CROCC: variants seen among roughly 807,000 people sequenced by gnomAD.
CROCC encodes ciliary rootlet coiled-coil, rootletin.
CROCC carries 180 observed loss-of-function variants against 245.2 expected under a neutral mutation model. The observed-to-expected ratio is 0.73, with a 90% CI of 0.65 to 0.83. The LOEUF (loss-of-function observed/expected upper bound fraction) is 0.83. Ranked by LOEUF, CROCC falls within the 40% of genes least tolerant of loss-of-function variation. The pLI is 0.00. For missense variants in CROCC, 2,688 were observed against 2,779.4 expected, an observed-to-expected ratio of 0.97 and a Z score of 0.74; for synonymous variants, 1,205 against 1,241.6, an observed-to-expected ratio of 0.97 and a Z score of 0.62.
rs370450372 is a variant in CROCC at position 16,929,751 on chromosome 1, A to G, written c.352-95A>G. The G allele has an allele frequency of 8.5e-5, 123 of 1,438,980 alleles. No individual in the cohort carries two copies. In the South Asian group the frequency reaches 9.6e-4, roughly 11 times the overall value. The allele number at this position is 1,438,980 out of a possible 1,614,324, so 89.1% of individuals were successfully genotyped here. A position where few individuals can be genotyped will look rare whatever the true frequency, so the allele number is the denominator to read the frequency against. On this transcript the variant is annotated intron_variant, in intron 3 of 36. Transcript: ENST00000375541. ...GCGCCAGGCTATCAGCCTACAAGGCATTGTGGGTCTGGGCCCAGCCTGCCA... is the reference window on the plus strand; with the variant it reads ...GCGCCAGGCTATCAGCCTACAAGGCGTTGTGGGTCTGGGCCCAGCCTGCCA...
rs971664448 is a variant in CROCC, at chr1:16,954,526, C to T, written c.3321+169C>T. On this transcript the variant is annotated intron_variant, in intron 22 of 36. Transcript: ENST00000375541. The surrounding 1 kb of genome is among the most constrained non-coding windows in gnomAD (Gnocchi z 4.4). ...CCCCATCTGAGGGAGGTGGCTCAGC[C>T]CTGCCCTGATGAATCCTTTTGGCGT... Among the ~76,000 whole-genome samples, 1 of 152,220 alleles carries T rather than the reference C, an allele frequency of 6.6e-6. No individual in the cohort carries two copies. Among genetic ancestry groups the T allele is most frequent in the African/African-American group, 2.4e-5 (1 of 41,458 alleles).
chr1:16,960,299 C>CA (rs113892729), intron 26 of CROCC, among the ~76,000 whole-genome samples: 64 of 151,878 alleles, frequency 4.2e-4, no homozygotes, highest in African/African-American at 1.1e-3. Flanking sequence ...ACAAAAACAA[C>CA]AAAAAAAACA....
At chr1:16,923,901 A>G (rs2075468625) in intron 2 of CROCC, among the ~76,000 whole-genome samples, 1 of 152,246 alleles carries the variant, frequency 6.6e-6, no homozygotes. Context: ...GGCTAGTCTC[A>G]AACTCCTGAC....
chr1:16,947,134 G>A, intron 17 of CROCC, 143 bp downstream of exon 17: 1 of 815,742 alleles, frequency 1.2e-6, no homozygotes, highest in South Asian at 1.8e-5. Flanking sequence ...TGCTAGCTGG[G>A]GACCTTGGAC....
chr1:16,924,522 G>T (rs144459703), intron 3 of CROCC, 43 bp downstream of exon 3: 1 of 1,596,556 alleles, frequency 6.3e-7, no homozygotes, highest in Non-Finnish European at 8.6e-7. Context: ...GGTTCCCCTC[G>T]TTCAAGGGCA....
chr1:16,939,594 C>T (rs1224333585), intron 12 of CROCC, among the ~76,000 whole-genome samples: 2 of 152,098 alleles, frequency 1.3e-5, no homozygotes, highest in East Asian at 3.9e-4. Flanking sequence ...CCTAGGAGCC[C>T]TGGGGGTGGG....
chr1:16,969,066 T>C, intron 31 of CROCC, 50 bp from the exon 32 acceptor site: 4 of 1,537,360 alleles, frequency 2.6e-6, no homozygotes, highest in Non-Finnish European at 2.7e-6. Flanking sequence ...AGCAGAGGTA[T>C]AGAGGCCAGA....
chr1:16,952,930 C>T, intron 20 of CROCC: 1 of 210,868 alleles, frequency 4.7e-6, no homozygotes, highest in Non-Finnish European at 9.7e-6. Flanking sequence ...GTCCTGGCCC[C>T]ACCCCTGCCT....
At chr1:16,923,317 T>A (rs923356794) in intron 2 of CROCC, among the ~76,000 whole-genome samples, 1 of 152,268 alleles carries the variant, frequency 6.6e-6, no homozygotes. Flanking sequence ...GCGTGTGGCG[T>A]TTTGGTGCTC....
chr1:16,953,460 A>G lies in CROCC; in HGVS notation c.3165A>G (p.Leu1055=), dbSNP rs778512616. 82 of 1,607,746 alleles carry G rather than the reference A, an allele frequency of 5.1e-5. No homozygotes were observed. Among genetic ancestry groups the G allele is most frequent in the African/African-American group, 1.7e-4 (13 of 74,866 alleles). ...LQQERDEGLL[L]AESEKQQALS... is the part of the protein sequence containing the mutation. The stretch of plus-strand genomic sequence containing the variant: ...AGGAGCGCGACGAGGGCCTCCTCCT[A>G]GCAGAGAGTGAGAAGCAGCAGGTTC... The change falls in exon 21 of 37, where the codon CTA becomes CTG. Residue 1055 remains leucine, a synonymous_variant. Coordinates refer to ENST00000375541, the MANE Select transcript of CROCC (RefSeq NM_014675.5).
intron 21 of CROCC, 98 bp downstream of exon 21, chr1:16,953,579 AG>A (rs375614386): frequency 0.18 from 215,438 of 1,202,350 alleles, 20,942 homozygotes; most frequent in African/African-American, 0.32. Context: ...GCCCTGGGGC[AG>A]GCCACTGCCC....
rs188453033 is a variant in CROCC, at chr1:16,933,527, G to A, written c.956+2130G>A. 7.6e-3 allele frequency among the ~76,000 whole-genome samples: 1,157 copies of A among 152,322 alleles called. 8 individuals carry two copies. The highest frequency in any genetic ancestry group is 0.011 in the Non-Finnish European group (716 of 68,012). ...TTTCTTTACAATTTGTTTGAATCTC[G>A]ATCCATAGACATTTACAAAACGTAA... On this transcript the variant is annotated intron_variant, in intron 8 of 36. Coordinates refer to ENST00000375541, the MANE Select transcript of CROCC (RefSeq NM_014675.5).
At chr1:16,961,265 C>G in intron 27 of CROCC, 135 bp downstream of exon 27, 3 of 894,960 alleles carry the variant, frequency 3.4e-6, no homozygotes, top group Non-Finnish European at 4.4e-6. Flanking sequence ...CCACTGAGGT[C>G]CACTTCTTAG....
chr1:16,958,790 C>G, intron 26 of CROCC, 40 bp downstream of exon 26: 2 of 1,537,426 alleles, frequency 1.3e-6, no homozygotes, highest in Non-Finnish European at 1.8e-6. Flanking sequence ...TCTTTCCTTC[C>G]CCCAGCAGGA....
intron 3 of CROCC, among the ~76,000 whole-genome samples, chr1:16,925,711 A>T (rs1187033101): frequency 2.0e-5 from 3 of 152,244 alleles, no homozygotes; most frequent in African/African-American, 2.4e-5. Context: ...CCTGTGTATG[A>T]CTGTGGGGTG....
intron 3 of CROCC, among the ~76,000 whole-genome samples, chr1:16,928,615 A>G (rs2075590818): frequency 6.6e-6 from 1 of 152,026 alleles, no homozygotes; most frequent in Non-Finnish European, 1.5e-5. Context: ...CAGCCTGGCC[A>G]ACATAGTGAA....
intron 3 of CROCC, among the ~76,000 whole-genome samples, chr1:16,925,727 G>A (rs1192022227): frequency 1.1e-4 from 16 of 152,266 alleles, no homozygotes; most frequent in South Asian, 1.0e-3. Context: ...GGGTGTGCCC[G>A]TGTCCTGGGA....
In CROCC at chr1:16,966,417, G is replaced by C. The variant is rs938894957; in HGVS notation, c.4706G>C (p.Ser1569Thr). ...AVAESEEARR[S>T]VDGRLSGVQA... Reference sequence around the variant, plus strand: ...TGGGTGGTGGCTACAGCCCGGCGCAGTGTGGATGGGCGGCTGAGCGGGGTC... The same window carrying C: ...TGGGTGGTGGCTACAGCCCGGCGCACTGTGGATGGGCGGCTGAGCGGGGTC... Residue 1569 changes from serine to threonine, a missense_variant, in exon 30 of 37, where the codon AGT becomes ACT. This residue lies in a region of CROCC where 1,218 missense variants were observed against 1,286.3 expected (regional missense o/e 0.95). Coordinates refer to ENST00000375541, the MANE Select transcript of CROCC (RefSeq NM_014675.5). The surrounding 1 kb of genome is among the most constrained non-coding windows in gnomAD (Gnocchi z 4.8). 1 of 1,534,120 alleles carries C rather than the reference G, an allele frequency of 6.5e-7. No individual in the cohort carries two copies.
At chr1:16,930,229 G>A (rs1477222286) in intron 5 of CROCC, 22 bp downstream of exon 5, 5 of 1,586,838 alleles carry the variant, frequency 3.2e-6, no homozygotes, top group African/African-American at 1.3e-5. Flanking sequence ...TGTGGGGCAG[G>A]GGCAGGCCCT....
Sources: gnomAD v4.1 joint callset for allele counts (sites outside exome capture counted in the v4.1 genomes callset) on GRCh38, gnomAD v4.1.1 for gene constraint, gnomAD v4.1.1 regional missense constraint, Gnocchi (gnomAD v3.1) non-coding constraint, MANE v1.5 for transcripts, NCBI Gene and HGNC (gene_info 2026-07-23, HGNC 2026-07-21) for gene names.